The following ACSL3 variants were observed in gnomAD, a reference collection of about 807,000 sequenced individuals.
ACSL3 encodes the protein acyl-CoA synthetase long chain family member 3.
ACSL3 carries 34 observed loss-of-function variants against 84.7 expected under a neutral mutation model. The observed-to-expected ratio is 0.40, with a 90% CI of 0.31 to 0.53. The LOEUF is 0.53. Ranked by LOEUF, ACSL3 falls within the 20% of genes least tolerant of loss-of-function variation. The pLI is 0.48. For synonymous variants in ACSL3, 315 were observed against 299.4 expected (o/e 1.05, Z -0.54); for missense variants, 680 against 873.1 (o/e 0.78, Z 2.79).
At position 222,934,590 on chromosome 2, in the gene ACSL3, T is replaced by C; in HGVS notation, c.1908T>C (p.Ala636=). 1 of 1,604,176 alleles carries C rather than the reference T, an allele frequency of 6.2e-7. No individual in the cohort carries two copies. The highest frequency in any genetic ancestry group is 8.5e-7 in the Non-Finnish European group (1 of 1,175,676). The change falls in exon 16 of 17, where the codon GCT becomes GCC. Residue 636 remains alanine (A), a synonymous_variant. Coordinates refer to ENST00000357430, the MANE Select transcript of ACSL3 (RefSeq NM_004457.5). ...ATCAAAAGGAACTAACTGAACTAGC[T>C]CGAAAGAAAGGACTTAAAGGGACTT... ...VPNQKELTEL[A]RKKGLKGTWE...
chr2:222,929,865 A>G (rs1696977023), intron 13 of ACSL3, among the ~76,000 whole-genome samples: 2 of 151,348 alleles, frequency 1.3e-5, no homozygotes, highest in South Asian at 4.2e-4. Context: ...TAATAAATTT[A>G]GGCTTGGAGT....
At position 222,919,161 on chromosome 2, in the gene ACSL3, C is replaced by T. The variant is rs761822696; in HGVS notation, c.764C>T (p.Thr255Ile). The T allele has an allele frequency of 1.2e-5, 20 of 1,614,028 alleles. 1 individual carries two copies. The South Asian group carries it at 2.0e-4, about 16-fold the overall frequency. Residue 255 changes from threonine to isoleucine, a missense_variant, in exon 7 of 17, where the codon ACC (threonine) becomes ATC (isoleucine). Coordinates refer to ENST00000357430, the MANE Select transcript of ACSL3 (RefSeq NM_004457.5). ...SEFPKGIIVH[T>I]MAAVEALGAK... ...TTCCCCAAGGGCATCATTGTGCATA[C>T]CATGGCTGCAGTGGAGGCCCTGGGA...
chr2:222,930,670 T>TG lies in ACSL3; in HGVS notation c.1595dup (p.Gln533ProfsTer11). The TG allele has an allele frequency of 6.2e-7, 1 of 1,614,090 alleles. No homozygotes were observed. On this transcript the variant is annotated frameshift_variant, in exon 14 of 17. Transcript: ENST00000357430. LOFTEE classifies it high-confidence loss of function. ...CACACCCCAGGGGTGAAATTCTTAT[T>TG]GGGGGCCAAAGTGTGACAATGGGGT...
At chr2:222,878,797 G>A (rs1695520765) in intron 1 of ACSL3, among the ~76,000 whole-genome samples, 1 of 152,038 alleles carries the variant, frequency 6.6e-6, no homozygotes, top group Non-Finnish European at 1.5e-5. Flanking sequence ...TTTCATTCTG[G>A]AAATGTAGAC....
chr2:222,894,951 C>G (rs2254744), intron 2 of ACSL3, among the ~76,000 whole-genome samples: 137,879 of 151,576 alleles, frequency 0.91, 62,797 homozygotes, highest in East Asian at 0.98. Flanking sequence ...GTGTGTGTGT[C>G]TTTCCAAGTT....
At chr2:222,935,882 A>G (rs949323257) in intron 16 of ACSL3, among the ~76,000 whole-genome samples, 20 of 152,104 alleles carry the variant, frequency 1.3e-4, no homozygotes, top group South Asian at 4.1e-4. Flanking sequence ...TAACTATTTC[A>G]TCTTGCAAAA....
In ACSL3 at chr2:222,916,453, G is replaced by C. The variant is rs374313242; in HGVS notation, c.513G>C (p.Glu171Asp). The change falls in exon 5 of 17, where the codon GAG (glutamate) becomes GAC (aspartate). Residue 171 changes from glutamate (E) to aspartate (D), a missense_variant. Transcript: ENST00000357430. ...NIAIFCETRA[E>D]WMIAAQACFM... ...CCATCTTCTGTGAGACCAGGGCCGAGTGGATGATAGCTGCACAGGCGTGTT... is the reference window on the plus strand; with the variant it reads ...CCATCTTCTGTGAGACCAGGGCCGACTGGATGATAGCTGCACAGGCGTGTT... The C allele has an allele frequency of 1.2e-6, 2 of 1,613,828 alleles. No individual in the cohort carries two copies. Among genetic ancestry groups the C allele is most frequent in the African/African-American group, 2.7e-5 (2 of 74,918 alleles).
intron 16 of ACSL3, among the ~76,000 whole-genome samples, chr2:222,937,668 C>G (rs10932980): frequency 0.31 from 47,065 of 151,998 alleles, 7,547 homozygotes; most frequent in Admixed American, 0.41. Context: ...CCATCCTTCA[C>G]TTTAGGTTAC....
At chr2:222,867,072 A>T (rs1228785947) in intron 1 of ACSL3, among the ~76,000 whole-genome samples, 1 of 151,962 alleles carries the variant, frequency 6.6e-6, no homozygotes, top group Non-Finnish European at 1.5e-5. Context: ...TGACCTCGTG[A>T]TCTGCCCATC....
At chr2:222,932,250 G>A (rs1294284454) in intron 14 of ACSL3, among the ~76,000 whole-genome samples, 1 of 152,208 alleles carries the variant, frequency 6.6e-6, no homozygotes, top group Non-Finnish European at 1.5e-5. Context: ...GGTACTAATG[G>A]ATACCAGAAA....
intron 4 of ACSL3, among the ~76,000 whole-genome samples, chr2:222,912,583 G>C (rs537014141): frequency 6.6e-6 from 1 of 152,342 alleles, no homozygotes; most frequent in African/African-American, 2.4e-5. Context: ...ATTAACCCCA[G>C]AATGTTGTAT....
chr2:222,864,486 A>G (rs1053166377), intron 1 of ACSL3, among the ~76,000 whole-genome samples: 1 of 152,204 alleles, frequency 6.6e-6, no homozygotes, highest in Non-Finnish European at 1.5e-5. Flanking sequence ...GGACAGCCAG[A>G]AACAGATGTT....
intron 1 of ACSL3, among the ~76,000 whole-genome samples, chr2:222,876,964 T>C (rs1361737324): frequency 6.6e-6 from 1 of 152,160 alleles, no homozygotes; most frequent in African/African-American, 2.4e-5. Flanking sequence ...TGAAAATCTA[T>C]ATTCCTTTAC....
chr2:222,921,996 T>A (rs933710109), intron 8 of ACSL3, among the ~76,000 whole-genome samples: 1 of 152,170 alleles, frequency 6.6e-6, no homozygotes, highest in Non-Finnish European at 1.5e-5. Context: ...ATTACAAACA[T>A]ACACGCACAC....
Position 222,914,601 on chromosome 2 carries a change from T to A in ACSL3, c.379-1718T>A, listed in dbSNP as rs188339778. On this transcript the variant is annotated intron_variant, in intron 4 of 16. Coordinates refer to ENST00000357430, the MANE Select transcript of ACSL3 (RefSeq NM_004457.5). ...GAATAGAGAGAAGGTTTCAGAGGTA[T>A]TTCAGAGGGTGAGAAAACGAATAGA... 1.1e-4 allele frequency among the ~76,000 whole-genome samples: 16 copies of A among 152,248 alleles called. No individual in the cohort carries two copies. In the South Asian group the frequency reaches 1.2e-3, roughly 12 times the overall value.
chr2:222,942,747 T>C lies in ACSL3; in HGVS notation c.*1093T>C, dbSNP rs1037341583. Reference sequence around the variant, plus strand: ...ACCTTATCCTTTCTCCCATAACCTTTGTACACTAAAAAATGAAAGAATTTA... The same window carrying C: ...ACCTTATCCTTTCTCCCATAACCTTCGTACACTAAAAAATGAAAGAATTTA... On this transcript the variant is annotated 3_prime_UTR_variant, in exon 17 of 17. Transcript: ENST00000357430. 1.9e-5 allele frequency: 4 copies of C among 214,580 alleles called. No individual in the cohort carries two copies. The highest frequency in any genetic ancestry group is 9.0e-5 in the African/African-American group (4 of 44,398). The allele number at this position is 214,580 out of a possible 1,614,324, so 13.3% of individuals were successfully genotyped here. A position where few individuals can be genotyped will look rare whatever the true frequency, so the allele number is the denominator to read the frequency against.
Position 222,919,132 on chromosome 2 carries a change from C to T in ACSL3, c.735C>T (p.Ser245=), listed in dbSNP as rs1222094979. ...TTGATGGAAAGCCACCGACCTGGTC[C>T]GAGTTCCCCAAGGGCATCATTGTGC... The part of the protein sequence containing the change: ...ITVDGKPPTW[S]EFPKGIIVHT... The change falls in exon 7 of 17, where the codon TCC becomes TCT. Residue 245 remains serine (S), a synonymous_variant. Coordinates refer to ENST00000357430, the MANE Select transcript of ACSL3 (RefSeq NM_004457.5). 10 of 1,614,148 alleles carry T rather than the reference C, an allele frequency of 6.2e-6. No individual in the cohort carries two copies. Among genetic ancestry groups the T allele is most frequent in the Admixed American group, 1.7e-5 (1 of 60,024 alleles).
chr2:222,942,015 A>T lies in ACSL3; in HGVS notation c.*361A>T, dbSNP rs903046245. The T allele has an allele frequency of 8.7e-6, 2 of 230,238 alleles. No homozygotes were observed. Among genetic ancestry groups the T allele is most frequent in the Non-Finnish European group, 8.6e-6 (1 of 116,388 alleles). 14.3% of individuals were successfully genotyped at this position (230,238 alleles called of 1,614,324 possible). ...TAACTTTTTAAAAGTTTGGATGTAT[A>T]GAGGGATAAATAGGAAATATAAGAA... On this transcript the variant is annotated 3_prime_UTR_variant, in exon 17 of 17. Coordinates refer to ENST00000357430, the MANE Select transcript of ACSL3 (RefSeq NM_004457.5).
At chr2:222,862,762 G>A (rs1040375848) in intron 1 of ACSL3, among the ~76,000 whole-genome samples, 1 of 152,086 alleles carries the variant, frequency 6.6e-6, no homozygotes, top group African/African-American at 2.4e-5. Flanking sequence ...GTGGTCCATT[G>A]GACCTAAGGG....
Sources: gnomAD v4.1 joint callset for allele counts (sites outside exome capture counted in the v4.1 genomes callset) on GRCh38, gnomAD v4.1.1 for gene constraint, MANE v1.5 for transcripts, NCBI Gene and HGNC (gene_info 2026-07-23, HGNC 2026-07-21) for gene names.